The following NFIA variants were observed in gnomAD, a reference collection of about 807,000 sequenced individuals.
The protein encoded by NFIA is nuclear factor 1 A-type.
In NFIA, 8 loss-of-function variants were observed where a neutral mutation model predicts 62.8. The ratio of observed to expected loss-of-function variants is 0.13; its 90% CI spans 0.07 to 0.23. The LOEUF is 0.23. Among genes scored for constraint, NFIA ranks in the 10% least tolerant of loss-of-function variants. The pLI, the probability that NFIA is intolerant of heterozygous loss-of-function variation, is 1.00. For missense variants in NFIA, 410 were observed against 642.1 expected, an observed-to-expected ratio of 0.64 and a Z score of 3.91; for synonymous variants, 235 against 238.1, an observed-to-expected ratio of 0.99 and a Z score of 0.12.
intron 2 of NFIA, chr1:61,132,904 C>T (rs1368142342): frequency 6.6e-6 from 1 of 152,182 alleles, no homozygotes; most frequent in Admixed American, 6.5e-5. Flanking sequence ...TCCTGTCGAT[C>T]TTTCATTCAG....
intron 7 of NFIA, 96 bp from the exon 8 acceptor site, chr1:61,404,008 G>A: frequency 7.2e-7 from 1 of 1,395,630 alleles, no homozygotes; most frequent in Non-Finnish European, 9.9e-7. Context: ...TTGTGAATCG[G>A]GCCAGGAAGA....
intron 3 of NFIA, among the ~76,000 whole-genome samples, chr1:61,319,953 A>G (rs955861893): frequency 2.0e-5 from 3 of 152,124 alleles, no homozygotes; most frequent in South Asian, 4.2e-4. Context: ...TGTGTTCTCT[A>G]TTCACACATG....
intron 2 of NFIA, among the ~76,000 whole-genome samples, chr1:61,220,254 A>C (rs934257047): frequency 2.0e-5 from 3 of 152,118 alleles, no homozygotes; most frequent in Non-Finnish European, 4.4e-5. Context: ...GTGTGTGTAC[A>C]TGTGTGTTTC....
intron 6 of NFIA, among the ~76,000 whole-genome samples, chr1:61,383,013 T>C (rs1664497038): frequency 6.6e-6 from 1 of 152,210 alleles, no homozygotes; most frequent in Admixed American, 6.5e-5. Flanking sequence ...TGGACTGTGA[T>C]TAATTAGAAT....
intron 2 of NFIA, among the ~76,000 whole-genome samples, chr1:61,100,776 G>A (rs1360952349): frequency 6.6e-6 from 1 of 151,880 alleles, no homozygotes; most frequent in Non-Finnish European, 1.5e-5. Context: ...AAAATATTTT[G>A]TGGAGATAGA....
intron 2 of NFIA, among the ~76,000 whole-genome samples, chr1:61,219,489 C>T (rs1653866676): frequency 6.6e-6 from 1 of 151,578 alleles, no homozygotes; most frequent in South Asian, 2.1e-4. Context: ...CTGAGGCAGG[C>T]GGATCACGAG....
At chr1:61,397,047 C>T (rs969473238) in intron 7 of NFIA, among the ~76,000 whole-genome samples, 7 of 151,660 alleles carry the variant, frequency 4.6e-5, no homozygotes, top group Non-Finnish European at 5.9e-5. Flanking sequence ...CAGGGGCCTA[C>T]GTGGTGAAGA....
chr1:61,082,564 GT>G lies in NFIA; in HGVS notation c.-226del, dbSNP rs1289523547. The G allele has an allele frequency of 6.8e-7, 1 of 1,461,492 alleles. No individual in the cohort carries two copies. The highest frequency in any genetic ancestry group is 1.4e-5 in the African/African-American group (1 of 69,776). The allele number at this position is 1,461,492 out of a possible 1,614,324, so 90.5% of individuals were successfully genotyped here. On this transcript the variant is annotated 5_prime_UTR_variant, in exon 1 of 11. Transcript: ENST00000403491. ...GGAGTGTAGGGAAACTCTAGGCGGG[GT>G]TAAAGTTCAGCTCATGGAGCGGCAA... is the stretch of plus-strand genomic sequence containing the variant.
rs1189062108 is a variant in NFIA at position 61,458,409 on chromosome 1, A to G, written c.*3089A>G. ...GCAGTTTTAGTTGTTTTTAGTGAGC[A>G]TGTTGTAGTCATGACTGCAAAGAGA... On this transcript the variant is annotated 3_prime_UTR_variant, in exon 11 of 11. Coordinates refer to ENST00000403491, the MANE Select transcript of NFIA (RefSeq NM_001134673.4). 6 of 152,280 alleles carry G rather than the reference A, an allele frequency of 3.9e-5. No individual in the cohort carries two copies. In the East Asian group the frequency reaches 9.6e-4, roughly 24 times the overall value. 9.4% of individuals were successfully genotyped at this position (152,280 alleles called of 1,614,324 possible).
At chr1:61,338,287 C>T (rs1661722442) in intron 4 of NFIA, among the ~76,000 whole-genome samples, 1 of 152,240 alleles carries the variant, frequency 6.6e-6, no homozygotes, top group Non-Finnish European at 1.5e-5. Flanking sequence ...TGTCCTGGCT[C>T]TGCCACAAAG....
intron 2 of NFIA, among the ~76,000 whole-genome samples, chr1:61,109,504 G>T (rs931451720): frequency 6.6e-6 from 1 of 151,146 alleles, no homozygotes; most frequent in South Asian, 2.1e-4. Context: ...TTTTTTTTTG[G>T]TGTGTTCTTT....
intron 3 of NFIA, among the ~76,000 whole-genome samples, chr1:61,323,083 G>A (rs1284927167): frequency 1.3e-5 from 2 of 152,194 alleles, no homozygotes; most frequent in Non-Finnish European, 2.9e-5. Flanking sequence ...AAGGCCAACA[G>A]TGTGTAAGTC....
intron 2 of NFIA, among the ~76,000 whole-genome samples, chr1:61,239,424 A>G (rs927365623): frequency 2.0e-5 from 3 of 152,316 alleles, no homozygotes; most frequent in East Asian, 3.9e-4. Context: ...TATCGGGACT[A>G]TCAGATAACA....
At chr1:61,303,272 C>A (rs1008539236) in intron 3 of NFIA, among the ~76,000 whole-genome samples, 1 of 152,184 alleles carries the variant, frequency 6.6e-6, no homozygotes, top group Non-Finnish European at 1.5e-5. Context: ...ATTCCAGATA[C>A]CTTGGTAGTT....
At chr1:61,258,112 A>G (rs546079110) in intron 2 of NFIA, among the ~76,000 whole-genome samples, 5 of 152,266 alleles carry the variant, frequency 3.3e-5, no homozygotes, top group African/African-American at 1.2e-4. Context: ...TTCTGAATAT[A>G]CCTGTAGTAT....
At chr1:61,139,333 C>G (rs995712699) in intron 2 of NFIA, among the ~76,000 whole-genome samples, 5 of 152,288 alleles carry the variant, frequency 3.3e-5, no homozygotes, top group African/African-American at 9.6e-5. Flanking sequence ...TATTAGGTAA[C>G]TGAGGTACAA....
chr1:61,206,073 ACT>A (rs1189008452), intron 2 of NFIA, among the ~76,000 whole-genome samples: 2 of 151,238 alleles, frequency 1.3e-5, no homozygotes, highest in African/African-American at 4.9e-5. Context: ...GCATCAATTA[ACT>A]TTTTTATGCC....
intron 2 of NFIA, among the ~76,000 whole-genome samples, chr1:61,100,209 T>C (rs541493403): frequency 5.9e-5 from 9 of 152,344 alleles, no homozygotes; most frequent in African/African-American, 1.9e-4. Context: ...CATTTGAGGA[T>C]TCTAAGTCCA....
At chr1:61,149,324 T>C (rs1648237763) in intron 2 of NFIA, among the ~76,000 whole-genome samples, 1 of 152,206 alleles carries the variant, frequency 6.6e-6, no homozygotes, top group Non-Finnish European at 1.5e-5. Context: ...CCTTTTGCTT[T>C]ACAATAATAT....
Sources: gnomAD v4.1 joint callset for allele counts (sites outside exome capture counted in the v4.1 genomes callset) on GRCh38, gnomAD v4.1.1 for gene constraint, MANE v1.5 for transcripts, NCBI Gene and HGNC (gene_info 2026-07-23, HGNC 2026-07-21) for gene names.